The following BBX variants were observed in gnomAD, a reference collection of about 807,000 sequenced individuals.
BBX encodes BBX high mobility group box domain containing, also known as HMG box transcription factor BBX.
In BBX, 30 loss-of-function variants were observed where a neutral mutation model predicts 100.2. The ratio of observed to expected loss-of-function variants is 0.30; its 90% CI spans 0.22 to 0.41. The LOEUF (loss-of-function observed/expected upper bound fraction) is 0.41, where lower values mean the gene tolerates loss of function less well. Ranked by LOEUF, BBX falls within the 10% of genes least tolerant of loss-of-function variation. The pLI is 1.00. For missense variants in BBX, 1,023 were observed against 1,129.8 expected (o/e 0.91, Z 1.35); for synonymous variants, 376 against 388.1 (o/e 0.97, Z 0.37).
chr3:107,598,626 G>A (rs1408740083), intron 2 of BBX, among the ~76,000 whole-genome samples: 2 of 152,102 alleles, frequency 1.3e-5, no homozygotes, highest in Non-Finnish European at 2.9e-5. Flanking sequence ...TAATTCTTTA[G>A]TTTTACAGAA....
chr3:107,629,595 T>G lies in BBX; in HGVS notation c.-83-16241T>G, dbSNP rs2056422065. On this transcript the variant is annotated intron_variant, in intron 2 of 17. Transcript: ENST00000325805. ...GCCATGGGATATGTTTTTTTTTTCCTTCTACAAACACATCATTCAGTGCCA... is the reference window on the plus strand; with the variant it reads ...GCCATGGGATATGTTTTTTTTTTCCGTCTACAAACACATCATTCAGTGCCA... Among the ~76,000 whole-genome samples the G allele has an allele frequency of 2.0e-5, 3 of 151,516 alleles. No homozygotes were observed. In the South Asian group the frequency reaches 6.2e-4, roughly 31 times the overall value.
rs957971639 is a variant in BBX at position 107,614,753 on chromosome 3, G to A, written c.-83-31083G>A. On this transcript the variant is annotated intron_variant, in intron 2 of 17. Transcript: ENST00000325805. ...TTATTTTTAATATATTCAGGCTATG[G>A]TTGGTTAAATCTGTGGATGTGAAAC... Among the ~76,000 whole-genome samples, 5 of 152,142 alleles carry A rather than the reference G, an allele frequency of 3.3e-5. No individual in the cohort carries two copies. The South Asian group carries it at 1.0e-3, about 32-fold the overall frequency.
chr3:107,779,076 T>C (rs1367975260), intron 13 of BBX, among the ~76,000 whole-genome samples: 2 of 147,168 alleles, frequency 1.4e-5, no homozygotes, highest in African/African-American at 5.0e-5. Flanking sequence ...ATGCTTTGTT[T>C]AGTATATTCA....
intron 10 of BBX, among the ~76,000 whole-genome samples, chr3:107,762,528 A>G (rs1256588161): frequency 6.6e-6 from 1 of 152,238 alleles, no homozygotes; most frequent in East Asian, 1.9e-4. Context: ...TAATTATGGG[A>G]GAAATGCACA....
chr3:107,690,191 G>T (rs1205262825), intron 3 of BBX, among the ~76,000 whole-genome samples: 4 of 151,958 alleles, frequency 2.6e-5, no homozygotes, highest in African/African-American at 9.7e-5. Flanking sequence ...TCAGAACAAT[G>T]ACTTTATTAT....
intron 8 of BBX, among the ~76,000 whole-genome samples, chr3:107,747,181 G>C (rs571741265): frequency 1.3e-5 from 2 of 152,240 alleles, no homozygotes; most frequent in Admixed American, 1.3e-4. Flanking sequence ...GTTGAATCAA[G>C]TGTAGGGTGG....
At chr3:107,607,357 A>G (rs1418345002) in intron 2 of BBX, among the ~76,000 whole-genome samples, 2 of 152,168 alleles carry the variant, frequency 1.3e-5, no homozygotes, top group African/African-American at 4.8e-5. Flanking sequence ...CTGGGATTAC[A>G]GGTGTGAGCC....
At chr3:107,702,862 G>A (rs1211654450) in intron 3 of BBX, among the ~76,000 whole-genome samples, 3 of 152,278 alleles carry the variant, frequency 2.0e-5, no homozygotes, top group South Asian at 2.1e-4. Flanking sequence ...GGGGGACGGT[G>A]TGCAGGCCTG....
At position 107,810,198 on chromosome 3, in the gene BBX, G is replaced by T. The variant is rs2071232126; in HGVS notation, c.*4741G>T. The T allele has an allele frequency of 7.0e-6, 1 of 143,818 alleles. No individual in the cohort carries two copies. Among genetic ancestry groups the T allele is most frequent in the Non-Finnish European group, 1.5e-5 (1 of 66,622 alleles). The allele number at this position is 143,818 out of a possible 1,614,324, so 8.9% of individuals were successfully genotyped here. ...ACCCTTCCTTCAAATATATAAATGT[G>T]CATCTTTTTTTTAAAAAAAAAAAAA... is the stretch of plus-strand genomic sequence containing the variant. On this transcript the variant is annotated 3_prime_UTR_variant, in exon 18 of 18. Transcript: ENST00000325805.
chr3:107,570,116 G>A (rs1189351956), intron 2 of BBX, among the ~76,000 whole-genome samples: 2 of 152,174 alleles, frequency 1.3e-5, no homozygotes, highest in East Asian at 1.9e-4. Context: ...ATCCTGGGGC[G>A]GGCAGTCCTG....
At chr3:107,645,135 T>TA in intron 2 of BBX, among the ~76,000 whole-genome samples, 1 of 152,174 alleles carries the variant, frequency 6.6e-6, no homozygotes, top group Non-Finnish European at 1.5e-5. Context: ...AGCCTAAATT[T>TA]GTCTTACAAA....
chr3:107,537,333 G>A lies in BBX; in HGVS notation c.-84+10935G>A, dbSNP rs143355508. On this transcript the variant is annotated intron_variant, in intron 2 of 17. Transcript: ENST00000325805. Reference sequence around the variant, plus strand: ...ACATATACCAAATAATGTTAAAAGCGCACTTAATAGATAGTAAGTTTGAGC... The same window carrying A: ...ACATATACCAAATAATGTTAAAAGCACACTTAATAGATAGTAAGTTTGAGC... 7.1e-4 allele frequency among the ~76,000 whole-genome samples: 108 copies of A among 152,234 alleles called. No individual in the cohort carries two copies. In the South Asian group the frequency reaches 8.1e-3, roughly 11 times the overall value.
At chr3:107,789,981 G>C (rs1359338661) in intron 14 of BBX, 105 bp downstream of exon 14, 2 of 827,554 alleles carry the variant, frequency 2.4e-6, no homozygotes, top group African/African-American at 3.4e-5. Flanking sequence ...CCTCCCCTCT[G>C]CTTGCTTCAG....
intron 3 of BBX, among the ~76,000 whole-genome samples, chr3:107,649,169 G>A (rs981302096): frequency 6.6e-6 from 1 of 152,138 alleles, no homozygotes; most frequent in Admixed American, 6.5e-5. Context: ...TTACAAGAAT[G>A]GCATGGAAGC....
intron 3 of BBX, among the ~76,000 whole-genome samples, chr3:107,677,102 C>T (rs937114754): frequency 6.6e-6 from 1 of 151,940 alleles, no homozygotes; most frequent in Non-Finnish European, 1.5e-5. Flanking sequence ...TCATAGGAAA[C>T]GTTTCTAGAA....
In BBX at chr3:107,546,377, G is replaced by A. The variant is rs968516817; in HGVS notation, c.-84+19979G>A. 2.0e-5 allele frequency among the ~76,000 whole-genome samples: 3 copies of A among 152,106 alleles called. No homozygotes were observed. The South Asian group carries it at 6.2e-4, about 31-fold the overall frequency. On this transcript the variant is annotated intron_variant, in intron 2 of 17. Transcript: ENST00000325805. ...CAACTTAAGGACCATAGTTTTTATAGCCCATTGTCAGAACACTAGTTATTT... is the reference window on the plus strand; with the variant it reads ...CAACTTAAGGACCATAGTTTTTATAACCCATTGTCAGAACACTAGTTATTT...
At chr3:107,708,335 GT>G (rs1473869980) in intron 3 of BBX, among the ~76,000 whole-genome samples, 3 of 152,096 alleles carry the variant, frequency 2.0e-5, no homozygotes, top group Non-Finnish European at 4.4e-5. Context: ...ACAAGAACAT[GT>G]TTTTCTTTTC....
chr3:107,681,992 A>C (rs1311763008), intron 3 of BBX, among the ~76,000 whole-genome samples: 3 of 152,170 alleles, frequency 2.0e-5, no homozygotes, highest in African/African-American at 7.2e-5. Context: ...ACATGAAATA[A>C]AATCACACAC....
chr3:107,755,750 C>T (rs991469976), intron 10 of BBX, 72 bp downstream of exon 10: 1 of 1,268,020 alleles, frequency 7.9e-7, no homozygotes, highest in South Asian at 1.2e-5. Context: ...ACAGTGTTTC[C>T]CTAAACTGTA....
Sources: gnomAD v4.1 joint callset for allele counts (sites outside exome capture counted in the v4.1 genomes callset) on GRCh38, gnomAD v4.1.1 for gene constraint, MANE v1.5 for transcripts, NCBI Gene and HGNC (gene_info 2026-07-23, HGNC 2026-07-21) for gene names.